NIPBL: variants seen among roughly 807,000 people sequenced by gnomAD.
NIPBL encodes NIPBL cohesin loading factor.
A neutral mutation model predicts 321.8 loss-of-function variants in NIPBL; 19 were observed. The observed-to-expected ratio is 0.06, with a 90% CI of 0.04 to 0.09. NIPBL has a LOEUF of 0.09. NIPBL is among the 10% of genes least tolerant of loss of function. The probability of loss-of-function intolerance (pLI) is 1.00; values close to 1 mark genes in which losing one functional copy is unlikely to be tolerated. For synonymous variants in NIPBL, 1,106 were observed against 1,114.1 expected, an observed-to-expected ratio of 0.99 and a Z score of 0.14; for missense variants, 2,210 against 3,327.0, an observed-to-expected ratio of 0.66 and a Z score of 8.26.
chr5:36,989,044 A>G (rs986616773), intron 10 of NIPBL, among the ~76,000 whole-genome samples: 4 of 152,180 alleles, frequency 2.6e-5, no homozygotes, highest in Non-Finnish European at 5.9e-5. Context: ...TTTAATGCCT[A>G]TTGAATGGAG....
chr5:36,903,107 A>G (rs994887474), intron 1 of NIPBL, among the ~76,000 whole-genome samples: 12 of 152,166 alleles, frequency 7.9e-5, no homozygotes, highest in African/African-American at 2.7e-4. Context: ...TGATTTTTGC[A>G]CTTCGTTTTG....
At chr5:36,883,105 AT>A (rs1223489785) in intron 1 of NIPBL, among the ~76,000 whole-genome samples, 3 of 151,936 alleles carry the variant, frequency 2.0e-5, no homozygotes, top group Non-Finnish European at 2.9e-5. Flanking sequence ...AGTCATGCTA[AT>A]TCATAGATTA....
intron 2 of NIPBL, among the ~76,000 whole-genome samples, chr5:36,954,095 G>T (rs1483423537): frequency 2.6e-5 from 4 of 151,960 alleles, no homozygotes; most frequent in African/African-American, 9.7e-5. Flanking sequence ...TCTTTTGTTA[G>T]GCATTTGTAA....
At chr5:37,003,223 T>C in intron 15 of NIPBL, 38 bp from the exon 16 acceptor site, 1 of 1,184,238 alleles carries the variant, frequency 8.4e-7, no homozygotes, top group African/African-American at 1.5e-5. Context: ...ATATAACTTT[T>C]ACCAACGATT....
At chr5:36,975,353 G>C (rs551574820) in intron 8 of NIPBL, among the ~76,000 whole-genome samples, 2 of 152,072 alleles carry the variant, frequency 1.3e-5, no homozygotes, top group East Asian at 3.8e-4. Context: ...TAACAAAAGC[G>C]TACTTATTCT....
intron 42 of NIPBL, among the ~76,000 whole-genome samples, chr5:37,053,198 C>G (rs1753753634): frequency 6.6e-6 from 1 of 152,034 alleles, no homozygotes; most frequent in South Asian, 2.1e-4. Context: ...TGTAGCCTAC[C>G]TAGGCTATAT....
rs115427786 is a variant in NIPBL at position 37,003,420 on chromosome 5, A to G, written c.3855+73A>G. The G allele has an allele frequency of 2.3e-3, 1,943 of 857,130 alleles. 19 individuals are homozygous for G. In the African/African-American group the frequency reaches 0.028, roughly 13 times the overall value. The allele number at this position is 857,130 out of a possible 1,614,324, so 53.1% of individuals were successfully genotyped here. A position where few individuals can be genotyped will look rare whatever the true frequency, so the allele number is the denominator to read the frequency against. The stretch of plus-strand genomic sequence containing the variant: ...ATCTATAGTAGTCCCCCACTTCTCT[A>G]TTGTTTCATTTTCCATTTTCTCAGT... On this transcript the variant is annotated intron_variant, in intron 16 of 46. Transcript: ENST00000282516.
At chr5:36,953,131 T>C (rs1740586710) in intron 1 of NIPBL, among the ~76,000 whole-genome samples, 1 of 152,098 alleles carries the variant, frequency 6.6e-6, no homozygotes, top group Non-Finnish European at 1.5e-5. Flanking sequence ...TCAGGTTGGT[T>C]GGAGAGGGTG....
At chr5:36,887,251 ATC>A (rs889901654) in intron 1 of NIPBL, among the ~76,000 whole-genome samples, 1 of 152,236 alleles carries the variant, frequency 6.6e-6, no homozygotes, top group Non-Finnish European at 1.5e-5. Flanking sequence ...AATAGGTAGC[ATC>A]TTGCATTTTG....
chr5:36,987,197 G>A (rs763857999), intron 10 of NIPBL, among the ~76,000 whole-genome samples: 14 of 152,140 alleles, frequency 9.2e-5, no homozygotes, highest in Admixed American at 6.6e-5. Flanking sequence ...ATATACTGAG[G>A]TGTAGTGAAG....
In NIPBL at chr5:36,877,186, C is replaced by T; in HGVS notation, c.-80+8C>T. The T allele has an allele frequency of 4.0e-6, 1 of 251,286 alleles. No homozygotes were observed. The highest frequency in any genetic ancestry group is 8.1e-5 in the East Asian group (1 of 12,406). The allele number at this position is 251,286 out of a possible 1,614,324, so 15.6% of individuals were successfully genotyped here. A position where few individuals can be genotyped will look rare whatever the true frequency, so the allele number is the denominator to read the frequency against. ...AGACGCCGATTCGCCCAGGTAAATT[C>T]CTGCTCTTTATTTCGGCGGCGGCGG... On this transcript the variant is annotated splice_region_variant and intron_variant, in intron 1 of 46. Transcript: ENST00000282516.
At chr5:37,040,249 G>A (rs1032139375) in intron 34 of NIPBL, among the ~76,000 whole-genome samples, 7 of 152,048 alleles carry the variant, frequency 4.6e-5, no homozygotes, top group Admixed American at 1.3e-4. Flanking sequence ...TTTTATGTAT[G>A]TATGTACACA....
chr5:37,049,393 G>T lies in NIPBL; in HGVS notation c.6954+92G>T, dbSNP rs964907887. On this transcript the variant is annotated intron_variant, in intron 40 of 46. Transcript: ENST00000282516. ...GATTATAGAGAATAAGTAGTTCTTC[G>T]TTCCTCTTACTCTTCTTTGTACTAA... 4 of 1,357,366 alleles carry T rather than the reference G, an allele frequency of 2.9e-6. No individual in the cohort carries two copies. The South Asian group carries it at 3.5e-5, about 12-fold the overall frequency. The allele number at this position is 1,357,366 out of a possible 1,614,324, so 84.1% of individuals were successfully genotyped here.
At chr5:36,921,209 GAA>G (rs57236668) in intron 1 of NIPBL, among the ~76,000 whole-genome samples, 1 of 141,714 alleles carries the variant, frequency 7.1e-6, no homozygotes. Context: ...TTCATCTCCT[GAA>G]AAAAAAAAAA....
intron 34 of NIPBL, among the ~76,000 whole-genome samples, chr5:37,042,794 C>T (rs1290335875): frequency 1.3e-5 from 2 of 151,046 alleles, no homozygotes; most frequent in African/African-American, 4.9e-5. Flanking sequence ...CCACTGCATT[C>T]CAGCCTGGAT....
rs536303272 is a variant in NIPBL, at chr5:36,928,733, A to G, written c.-79-24885A>G. On this transcript the variant is annotated intron_variant, in intron 1 of 46. Coordinates refer to ENST00000282516, the MANE Select transcript of NIPBL (RefSeq NM_133433.4). ...AACTACTGATCTGCTCTTTGTTTCT[A>G]TAAATTTTTCTGGACATTTCATCTA... Among the ~76,000 whole-genome samples the G allele has an allele frequency of 1.4e-4, 21 of 152,260 alleles. No homozygotes were observed. The South Asian group carries it at 4.3e-3, about 32-fold the overall frequency.
chr5:36,900,939 C>T (rs576815996), intron 1 of NIPBL, among the ~76,000 whole-genome samples: 1 of 152,232 alleles, frequency 6.6e-6, no homozygotes, highest in East Asian at 1.9e-4. Context: ...TCTATCCACT[C>T]CCTTTTTTTC....
In NIPBL at chr5:36,985,591, G is replaced by A. The variant is rs1218222139; in HGVS notation, c.2411G>A (p.Arg804Lys). ...KSERAEALKQ[R>K]PDGRSVSESL... ...GAACGAGCTGAAGCCTTAAAGCAGAGACCTGATGGGCGATCTGTTTCTGAG... is the reference window on the plus strand; with the variant it reads ...GAACGAGCTGAAGCCTTAAAGCAGAAACCTGATGGGCGATCTGTTTCTGAG... Residue 804 changes from arginine to lysine, a missense_variant, in exon 10 of 47, where the codon AGA (arginine) becomes AAA (lysine). Physicochemically the swap from Arg to Lys is conservative, Grantham distance 26. Coordinates refer to ENST00000282516, the MANE Select transcript of NIPBL (RefSeq NM_133433.4). The A allele has an allele frequency of 6.2e-7, 1 of 1,613,886 alleles. No homozygotes were observed. Among genetic ancestry groups the A allele is most frequent in the African/African-American group, 1.3e-5 (1 of 75,004 alleles).
intron 1 of NIPBL, among the ~76,000 whole-genome samples, chr5:36,928,620 G>A (rs1749543308): frequency 6.6e-6 from 1 of 152,094 alleles, no homozygotes; most frequent in African/African-American, 2.4e-5. Flanking sequence ...ATGGTTTCTA[G>A]TTTTAGAACC....
Sources: gnomAD v4.1 joint callset for allele counts (sites outside exome capture counted in the v4.1 genomes callset) on GRCh38, gnomAD v4.1.1 for gene constraint, MANE v1.5 for transcripts, NCBI Gene and HGNC (gene_info 2026-07-23, HGNC 2026-07-21) for gene names.